AP2A2: variants seen among roughly 807,000 people sequenced by gnomAD.
AP2A2 encodes the protein adaptor related protein complex 2 subunit alpha 2.
AP2A2 carries 32 observed loss-of-function variants against 104.2 expected under a neutral mutation model. The ratio of observed to expected loss-of-function variants is 0.31; its 90% CI spans 0.23 to 0.41. AP2A2 has a LOEUF of 0.41. Ranked by LOEUF, AP2A2 falls within the 10% of genes least tolerant of loss-of-function variation. The pLI, the probability that AP2A2 is intolerant of heterozygous loss-of-function variation, is 1.00. For missense variants in AP2A2, 912 were observed against 1,261.0 expected (o/e 0.72, Z 4.19); for synonymous variants, 539 against 533.3 (o/e 1.01, Z -0.15).
At chr11:973,217 G>T (rs962715020) in intron 4 of AP2A2, among the ~76,000 whole-genome samples, 3 of 152,192 alleles carry the variant, frequency 2.0e-5, no homozygotes, top group African/African-American at 7.2e-5. Flanking sequence ...GGCCTAGACC[G>T]GCGTCTCAAC....
chr11:927,938 G>T (rs1466643119), intron 1 of AP2A2, among the ~76,000 whole-genome samples: 3 of 151,624 alleles, frequency 2.0e-5, no homozygotes, highest in Non-Finnish European at 2.9e-5. Context: ...AAAACTAAGT[G>T]TGTGTATTAT....
intron 3 of AP2A2, among the ~76,000 whole-genome samples, chr11:971,791 C>G (rs969773164): frequency 2.6e-5 from 4 of 152,190 alleles, no homozygotes; most frequent in Non-Finnish European, 5.9e-5. Context: ...GGGTCCAGTT[C>G]CTGTTGGCAT....
intron 2 of AP2A2, among the ~76,000 whole-genome samples, chr11:965,350 A>G (rs556996644): frequency 3.3e-5 from 5 of 152,300 alleles, no homozygotes; most frequent in African/African-American, 7.2e-5. Flanking sequence ...TCTCGTGGTT[A>G]TGTCTGTCTG....
At chr11:935,840 C>T (rs1278971165) in intron 1 of AP2A2, among the ~76,000 whole-genome samples, 2 of 151,196 alleles carry the variant, frequency 1.3e-5, no homozygotes, top group African/African-American at 2.4e-5. Context: ...GTGATCCACC[C>T]GCCTTGGCCT....
At chr11:927,988 A>G (rs1349049602) in intron 1 of AP2A2, among the ~76,000 whole-genome samples, 1 of 152,222 alleles carries the variant, frequency 6.6e-6, no homozygotes, top group Admixed American at 6.5e-5. Context: ...GAGTACCCTT[A>G]AATGCGCTAT....
chr11:927,403 C>T (rs1038888329), intron 1 of AP2A2, among the ~76,000 whole-genome samples: 5 of 151,910 alleles, frequency 3.3e-5, no homozygotes, highest in Admixed American at 2.0e-4. Flanking sequence ...TTGTGATCTT[C>T]CCTTTGAATT....
At chr11:960,247 CT>C (rs11438619) in intron 2 of AP2A2, among the ~76,000 whole-genome samples, 80 of 143,972 alleles carry the variant, frequency 5.6e-4, no homozygotes, top group East Asian at 8.2e-4. Flanking sequence ...CTTTTCTTTT[CT>C]TTTTTTTTTT....
Position 968,895 on chromosome 11 carries a change from CAG to C in AP2A2, c.137-1271_137-1270del, listed in dbSNP as rs1310506666. 6.6e-6 allele frequency among the ~76,000 whole-genome samples: 1 copy of C among 152,178 alleles called. No homozygotes were observed. The highest frequency in any genetic ancestry group is 1.9e-4 in the East Asian group (1 of 5,186). On this transcript the variant is annotated intron_variant, in intron 2 of 21. Coordinates refer to ENST00000448903, the MANE Select transcript of AP2A2 (RefSeq NM_012305.4). This position sits in a 1 kb window ranked among gnomAD's most constrained non-coding sequence, Gnocchi z 4.2. ...GGAGGGGGGTTTCTCATGAGCTCCT[CAG>C]AGTGCAGCATGCAGCTGACTGGCCG...
chr11:998,505 A>G (rs1293949746), intron 14 of AP2A2, among the ~76,000 whole-genome samples: 6 of 152,106 alleles, frequency 3.9e-5, no homozygotes, highest in Admixed American at 3.3e-4. Flanking sequence ...ATTCAGGTGG[A>G]GTCTCAGATA....
At chr11:998,841 G>GCC (rs1855940634) in intron 14 of AP2A2, among the ~76,000 whole-genome samples, 1 of 152,154 alleles carries the variant, frequency 6.6e-6, no homozygotes, top group Non-Finnish European at 1.5e-5. Flanking sequence ...TTACAGGCGT[G>GCC]TGCCACCACA....
chr11:1,001,799 C>T (rs761479046), intron 15 of AP2A2, among the ~76,000 whole-genome samples: 6 of 152,208 alleles, frequency 3.9e-5, no homozygotes, highest in Non-Finnish European at 5.9e-5. Flanking sequence ...TGTCTCCATA[C>T]GGCTGTGCTG....
At chr11:952,697 GT>G (rs1238814486) in intron 1 of AP2A2, among the ~76,000 whole-genome samples, 3 of 152,194 alleles carry the variant, frequency 2.0e-5, no homozygotes, top group African/African-American at 4.8e-5. Flanking sequence ...CTGTGGGTCA[GT>G]TACTCTTTAA....
rs55897359 is a variant in AP2A2 at position 974,698 on chromosome 11, A to AAAAAAAAAG, written c.474-2394_474-2393insAAAAAGAAA. Among the ~76,000 whole-genome samples, 61 of 137,164 alleles carry AAAAAAAAAG rather than the reference A, an allele frequency of 4.4e-4. 5 individuals carry two copies. The highest frequency in any genetic ancestry group is 6.2e-4 in the Non-Finnish European group (40 of 64,384). The allele number at this position is 137,164 out of a possible 152,430, so 90.0% of individuals were successfully genotyped here. ...ACTCTGTCTCAAAAAAAAAAAAAAA[A>AAAAAAAAAG]AAAGAAAGCTGGGCATGGTGGCTCA... is the stretch of plus-strand genomic sequence containing the variant. On this transcript the variant is annotated intron_variant, in intron 4 of 21. Transcript: ENST00000448903.
At position 977,188 on chromosome 11, in the gene AP2A2, A is replaced by G; in HGVS notation, c.567A>G (p.Thr189=). Residue 189 remains threonine (T), a synonymous_variant, in exon 5 of 22, where the codon ACA becomes ACG. Transcript: ENST00000448903. ...SPDLVPMGDW[T]SRVVHLLNDQ... ...ATCTTGTCCCCATGGGCGACTGGAC[A>G]TCCCGAGTGGTGCACCTGCTCAATG... 1 of 1,611,366 alleles carries G rather than the reference A, an allele frequency of 6.2e-7. No individual in the cohort carries two copies. Among genetic ancestry groups the G allele is most frequent in the Non-Finnish European group, 8.5e-7 (1 of 1,178,254 alleles).
At chr11:982,576 C>T (rs1855284994) in intron 6 of AP2A2, among the ~76,000 whole-genome samples, 1 of 151,322 alleles carries the variant, frequency 6.6e-6, no homozygotes, top group African/African-American at 2.4e-5. Context: ...AAGTTCCTTT[C>T]TCTATCTAGT....
intron 2 of AP2A2, among the ~76,000 whole-genome samples, chr11:963,054 A>G (rs1029677712): frequency 5.3e-5 from 8 of 152,204 alleles, no homozygotes; most frequent in Non-Finnish European, 1.2e-4. Context: ...CCTCATTGAA[A>G]AAAAGTAAAA....
Position 993,343 on chromosome 11 carries a change from G to C in AP2A2, c.1512G>C (p.Gly504=). The C allele has an allele frequency of 6.2e-7, 1 of 1,612,690 alleles. No individual in the cohort carries two copies. The highest frequency in any genetic ancestry group is 8.5e-7 in the Non-Finnish European group (1 of 1,179,528). Residue 504 remains glycine, a synonymous_variant, in exon 12 of 22, where the codon GGG becomes GGC. Transcript: ENST00000448903. This position sits in a 1 kb window ranked among gnomAD's most constrained non-coding sequence, Gnocchi z 8.2. Reference sequence around the variant, plus strand: ...TCAAAGTGGGCGGCTACATCCTGGGGGAGTTTGGAAACTTGATAGCTGGAG... The same window carrying C: ...TCAAAGTGGGCGGCTACATCCTGGGCGAGTTTGGAAACTTGATAGCTGGAG... ...NLVKVGGYIL[G]EFGNLIAGDP... is the part of the protein sequence containing the mutation.
intron 2 of AP2A2, among the ~76,000 whole-genome samples, chr11:967,183 T>C (rs1216366212): frequency 6.6e-6 from 1 of 151,496 alleles, no homozygotes; most frequent in South Asian, 2.1e-4. Flanking sequence ...AAAACAAAAA[T>C]AACCAAGCAG....
chr11:943,031 G>A (rs540137238), intron 1 of AP2A2: 1 of 152,384 alleles, frequency 6.6e-6, no homozygotes, highest in East Asian at 1.9e-4. Flanking sequence ...TCCGGCATGA[G>A]TCTGATTTTA....
Sources: gnomAD v4.1 joint callset for allele counts (sites outside exome capture counted in the v4.1 genomes callset) on GRCh38, gnomAD v4.1.1 for gene constraint, Gnocchi (gnomAD v3.1) non-coding constraint, MANE v1.5 for transcripts, NCBI Gene and HGNC (gene_info 2026-07-23, HGNC 2026-07-21) for gene names.